TSKS: variants seen among roughly 807,000 people sequenced by gnomAD.
TSKS encodes testis-specific serine kinase substrate.
TSKS carries 27 observed loss-of-function variants against 68.0 expected under a neutral mutation model. The ratio of observed to expected loss-of-function variants is 0.40; its 90% CI spans 0.29 to 0.55. The LOEUF is 0.55. Among genes scored for constraint, TSKS ranks in the 20% least tolerant of loss-of-function variants. TSKS has a pLI of 0.53. For missense variants in TSKS, 806 were observed against 776.0 expected, an observed-to-expected ratio of 1.04 and a Z score of -0.46; for synonymous variants, 331 against 340.4, an observed-to-expected ratio of 0.97 and a Z score of 0.30.
intron 8 of TSKS, among the ~76,000 whole-genome samples, chr19:49,743,960 G>A (rs1425100397): frequency 6.6e-6 from 1 of 152,082 alleles, no homozygotes; most frequent in Non-Finnish European, 1.5e-5. Flanking sequence ...GCCCACCTTG[G>A]TCTCCCGAAG....
At chr19:49,751,900 A>C (rs1034025001) in intron 2 of TSKS, among the ~76,000 whole-genome samples, 1 of 76,570 alleles carries the variant, frequency 1.3e-5, no homozygotes, top group Non-Finnish European at 2.3e-5. Flanking sequence ...CCAACTCTAC[A>C]AAAAAAAAAA....
chr19:49,762,436 T>G (rs2123635992), intron 1 of TSKS, among the ~76,000 whole-genome samples: 1 of 150,266 alleles, frequency 6.7e-6, no homozygotes, highest in East Asian at 1.9e-4. Flanking sequence ...TTTTTTTTTT[T>G]TTTTTGAGAC....
Position 49,741,963 on chromosome 19 carries a change from G to A in TSKS, c.1419C>T (p.Thr473=), listed in dbSNP as rs762048625. 1.2e-6 allele frequency: 2 copies of A among 1,614,178 alleles called. No homozygotes were observed. Among genetic ancestry groups the A allele is most frequent in the African/African-American group, 2.7e-5 (2 of 75,058 alleles). Residue 473 remains threonine, a synonymous_variant, in exon 9 of 11, where the codon ACC becomes ACT. Coordinates refer to ENST00000246801, the MANE Select transcript of TSKS (RefSeq NM_021733.2). The part of the protein sequence containing the change: ...SLQQLLDRAL[T]SLVDEVKQRG... ...TCTGCTTCACCTCGTCCACTAGTGA[G>A]GTCAGTGCTCGGTCCAGCAGCTGCT...
chr19:49,740,297 CAG>C (rs1280836278), intron 9 of TSKS, 114 bp from the exon 10 acceptor site: 8 of 1,303,094 alleles, frequency 6.1e-6, no homozygotes, highest in African/African-American at 1.5e-5. Context: ...ATTTCTCCCT[CAG>C]AGTTTCCCAT....
In TSKS at chr19:49,741,755, G is replaced by T. The variant is rs1156273536; in HGVS notation, c.1497+130C>A. ...TGCATTAGGGCCAAGTCCTCCCCCAGTGCCTGCTGCTCCCAGCTCAGCCCT... is the reference window on the plus strand; with the variant it reads ...TGCATTAGGGCCAAGTCCTCCCCCATTGCCTGCTGCTCCCAGCTCAGCCCT... On this transcript the variant is annotated intron_variant, in intron 9 of 10. Transcript: ENST00000246801. 6 of 1,298,628 alleles carry T rather than the reference G, an allele frequency of 4.6e-6. No individual in the cohort carries two copies. In the East Asian group the frequency reaches 1.4e-4, roughly 30 times the overall value. 80.4% of individuals were successfully genotyped at this position (1,298,628 alleles called of 1,614,324 possible).
At chr19:49,748,492 T>A (rs1299160262) in intron 2 of TSKS, 23 bp from the exon 3 acceptor site, 12 of 1,608,428 alleles carry the variant, frequency 7.5e-6, no homozygotes, top group Middle Eastern at 1.7e-4. Flanking sequence ...GGGAGACAGG[T>A]GAGTTAGTGG....
chr19:49,744,443 C>T (rs1487701166), intron 7 of TSKS, 39 bp from the exon 8 acceptor site: 1 of 1,595,618 alleles, frequency 6.3e-7, no homozygotes, highest in Non-Finnish European at 8.6e-7. Flanking sequence ...GTCGTCTCTT[C>T]AGCGGTATAA....
chr19:49,740,321 CTT>C (rs2084241988), intron 9 of TSKS, 138 bp from the exon 10 acceptor site: 1 of 1,062,420 alleles, frequency 9.4e-7, no homozygotes, highest in African/African-American at 1.6e-5. Context: ...ATGCCTTGAG[CTT>C]GAGACTGACC....
At chr19:49,745,554 C>G (rs182608218) in intron 6 of TSKS, among the ~76,000 whole-genome samples, 158 bp from the exon 7 acceptor site, 1 of 152,136 alleles carries the variant, frequency 6.6e-6, no homozygotes, top group African/African-American at 2.4e-5. Flanking sequence ...ATTGCACCCT[C>G]CATTTGGTGA....
At position 49,739,796 on chromosome 19, in the gene TSKS, C is replaced by T. The variant is rs1454522230; in HGVS notation, c.1759G>A (p.Gly587Ser). The T allele has an allele frequency of 1.3e-6, 2 of 1,511,062 alleles. No homozygotes were observed. Among genetic ancestry groups the T allele is most frequent in the East Asian group, 4.5e-5 (2 of 44,328 alleles). The allele number at this position is 1,511,062 out of a possible 1,614,324, so 93.6% of individuals were successfully genotyped here. ...GCCATTTATTGTTCAGGGGCTGAGC[C>T]CCCCTGTTTTGGGGGGGTTCCTGCA... ...SSAGTPPKQG[G>S]SAPEQ The change falls in exon 11 of 11, where the codon GGC (glycine) becomes AGC (serine). Residue 587 changes from glycine (G) to serine (S), a missense_variant. Physicochemically the swap from Gly to Ser is moderately conservative, Grantham distance 56. Coordinates refer to ENST00000246801, the MANE Select transcript of TSKS (RefSeq NM_021733.2).
At position 49,747,445 on chromosome 19, in the gene TSKS, C is replaced by G; in HGVS notation, c.607G>C (p.Val203Leu). The change falls in exon 5 of 11, where the codon GTG becomes CTG. Residue 203 changes from valine to leucine, a missense_variant. Physicochemically the swap from Val to Leu is conservative, Grantham distance 32. Transcript: ENST00000246801. ...TTGGTTTTGATTTCAGCATCTTCCA[C>G]AGACCGGGTCACCTTCCAGCAGTTC... The part of the protein sequence containing the change: ...KENCWKVTRS[V>L]EDAEIKTNVL... 1 of 1,614,242 alleles carries G rather than the reference C, an allele frequency of 6.2e-7. No homozygotes were observed. The highest frequency in any genetic ancestry group is 2.2e-5 in the East Asian group (1 of 44,876).
At chr19:49,757,583 C>T (rs1056920136) in intron 2 of TSKS, among the ~76,000 whole-genome samples, 14 of 152,094 alleles carry the variant, frequency 9.2e-5, no homozygotes, top group Admixed American at 8.5e-4. Flanking sequence ...CCTCTGCTTC[C>T]CTACCTGTGA....
chr19:49,743,658 C>T (rs1222751822), intron 8 of TSKS, among the ~76,000 whole-genome samples: 2 of 151,822 alleles, frequency 1.3e-5, no homozygotes, highest in Non-Finnish European at 2.9e-5. Flanking sequence ...CCACCACGCC[C>T]AGCTAATTTT....
At position 49,740,388 on chromosome 19, in the gene TSKS, C is replaced by T. The variant is rs540277566; in HGVS notation, c.1498-205G>A. On this transcript the variant is annotated intron_variant, in intron 9 of 10. Transcript: ENST00000246801. Reference sequence around the variant, plus strand: ...ATTCCGCTGTGGACTAAATCTGTGTCTGTCCTATTGTCTGTCCCATGATGC... The same window carrying T: ...ATTCCGCTGTGGACTAAATCTGTGTTTGTCCTATTGTCTGTCCCATGATGC... The T allele has an allele frequency of 8.1e-6, 5 of 617,738 alleles. No individual in the cohort carries two copies. The South Asian group carries it at 1.0e-4, about 13-fold the overall frequency. The allele number at this position is 617,738 out of a possible 1,614,324, so 38.3% of individuals were successfully genotyped here.
At chr19:49,740,516 C>G (rs1205955525) in intron 9 of TSKS, among the ~76,000 whole-genome samples, 1 of 152,200 alleles carries the variant, frequency 6.6e-6, no homozygotes, top group Non-Finnish European at 1.5e-5. Flanking sequence ...CAGTATTCTA[C>G]CACATGGTGA....
chr19:49,739,934 T>C lies in TSKS; in HGVS notation c.1623-2A>G. 6.2e-7 allele frequency: 1 copy of C among 1,609,730 alleles called. No individual in the cohort carries two copies. Among genetic ancestry groups the C allele is most frequent in the South Asian group, 1.1e-5 (1 of 90,916 alleles). On this transcript the variant is annotated splice_acceptor_variant, in intron 10 of 10. Transcript: ENST00000246801. LOFTEE classifies it high-confidence loss of function. The stretch of plus-strand genomic sequence containing the variant: ...TGGTCCAGAGTGGCCATCTTCTCCC[T>C]GTCATGAGGCAGCGGGGAGTTGATG...
chr19:49,753,596 A>AT (rs1555789510), intron 2 of TSKS, among the ~76,000 whole-genome samples: 1 of 127,586 alleles, frequency 7.8e-6, no homozygotes, highest in Non-Finnish European at 1.6e-5. Context: ...AATAATAATA[A>AT]AATAAAATTA....
intron 6 of TSKS, among the ~76,000 whole-genome samples, chr19:49,746,223 T>A (rs536727082): frequency 1.3e-5 from 2 of 151,522 alleles, no homozygotes; most frequent in Admixed American, 1.3e-4. Context: ...TTGAGGAACC[T>A]CCCCTGTGTC....
chr19:49,746,414 A>AC, intron 6 of TSKS, 56 bp downstream of exon 6: 1 of 1,589,554 alleles, frequency 6.3e-7, no homozygotes, highest in Non-Finnish European at 8.6e-7. Context: ...TCGAGGCTCC[A>AC]CCCCTGAGTC....
Sources: allele counts gnomAD v4.1 joint callset (sites outside exome capture counted in the v4.1 genomes callset), GRCh38; gene constraint gnomAD v4.1.1; transcripts MANE v1.5; gene names NCBI Gene and HGNC (gene_info 2026-07-23, HGNC 2026-07-21).